CSMD1: variants seen among roughly 807,000 people sequenced by gnomAD.
CSMD1 encodes the protein CUB and Sushi multiple domains 1, also known as CUB and sushi domain-containing protein 1.
CSMD1 carries 213 observed loss-of-function variants against 417.5 expected under a neutral mutation model. The observed-to-expected ratio is 0.51, with a 90% CI of 0.46 to 0.57. The LOEUF (loss-of-function observed/expected upper bound fraction) is 0.57, where lower values mean the gene tolerates loss of function less well. CSMD1 is among the 20% of genes least tolerant of loss of function. CSMD1 has a pLI of 0.00. For synonymous variants in CSMD1, 2,862 were observed against 1,736.8 expected (o/e 1.65, Z -16.11); for missense variants, 6,923 against 4,529.7 (o/e 1.53, Z -15.17).
chr8:3,163,611 G>C (rs1268442408), intron 37 of CSMD1, among the ~76,000 whole-genome samples: 1 of 144,148 alleles, frequency 6.9e-6, no homozygotes, highest in East Asian at 2.0e-4. Flanking sequence ...TTCACTTTCC[G>C]AAAAAGAAAA....
At chr8:3,052,712 A>T in intron 49 of CSMD1, 65 bp from the exon 50 acceptor site, 1 of 1,121,114 alleles carries the variant, frequency 8.9e-7, no homozygotes, top group Non-Finnish European at 1.2e-6. Context: ...TATTAAAACC[A>T]TTGATTGATT....
chr8:3,751,829 T>G (rs973863226), intron 6 of CSMD1, among the ~76,000 whole-genome samples: 2 of 152,184 alleles, frequency 1.3e-5, no homozygotes, highest in East Asian at 3.9e-4. Flanking sequence ...CTTAGAAATT[T>G]TTCTTTAATT....
At position 3,794,993 on chromosome 8, in the gene CSMD1, C is replaced by T. The variant is rs1171058401; in HGVS notation, c.819-40951G>A. On this transcript the variant is annotated intron_variant, in intron 5 of 69. Transcript: ENST00000635120. ...TAGCTATAGATATATATCTATCTAT[C>T]ATGTATAGCTATAAATACATATCTA... Among the ~76,000 whole-genome samples the T allele has an allele frequency of 2.0e-5, 3 of 150,458 alleles. 1 individual carries two copies. Among genetic ancestry groups the T allele is most frequent in the Non-Finnish European group, 1.5e-5 (1 of 67,572 alleles).
chr8:4,240,530 G>C (rs1279745036), intron 3 of CSMD1, among the ~76,000 whole-genome samples: 1 of 152,182 alleles, frequency 6.6e-6, no homozygotes, highest in African/African-American at 2.4e-5. Context: ...TAACCTGATT[G>C]TGTAGTGTCC....
intron 8 of CSMD1, among the ~76,000 whole-genome samples, chr8:3,596,704 G>A (rs1042841376): frequency 7.9e-5 from 12 of 151,958 alleles, no homozygotes; most frequent in African/African-American, 2.4e-4. Context: ...CAGGCTTAAG[G>A]AGCACCACAC....
At chr8:4,371,363 G>A (rs537028643) in intron 3 of CSMD1, among the ~76,000 whole-genome samples, 16 of 152,066 alleles carry the variant, frequency 1.1e-4, no homozygotes, top group African/African-American at 2.7e-4. Context: ...GGTTTTGAGA[G>A]AAACTTCCTG....
rs1163243942 is a variant in CSMD1, at chr8:4,940,796, T to A, written c.85+53536A>T. On this transcript the variant is annotated intron_variant, in intron 1 of 69. Transcript: ENST00000635120. Reference sequence around the variant, plus strand: ...AATGAGGGGGCAAAAAAATTTTAAATCATAATCTCTGTACCATGTGTCAGC... The same window carrying A: ...AATGAGGGGGCAAAAAAATTTTAAAACATAATCTCTGTACCATGTGTCAGC... 3.9e-5 allele frequency among the ~76,000 whole-genome samples: 6 copies of A among 152,174 alleles called. No individual in the cohort carries two copies. The East Asian group carries it at 7.7e-4, about 20-fold the overall frequency.
At chr8:3,644,856 A>T (rs1013361126) in intron 7 of CSMD1, among the ~76,000 whole-genome samples, 2 of 151,020 alleles carry the variant, frequency 1.3e-5, no homozygotes, top group Non-Finnish European at 2.9e-5. Context: ...TCGTTTCCTA[A>T]GAGATTGCTG....
intron 23 of CSMD1, among the ~76,000 whole-genome samples, chr8:3,335,973 T>C (rs1368249879): frequency 2.0e-5 from 3 of 152,314 alleles, no homozygotes; most frequent in Middle Eastern, 6.8e-3. Context: ...TATTTTGGGC[T>C]AATTTACATG....
chr8:4,308,745 C>G (rs1285410524), intron 3 of CSMD1, among the ~76,000 whole-genome samples: 1 of 152,170 alleles, frequency 6.6e-6, no homozygotes, highest in Non-Finnish European at 1.5e-5. Context: ...ATGTGTAAGA[C>G]TGGCTGTTTG....
chr8:2,942,777 G>A (rs764419894), intron 68 of CSMD1, among the ~76,000 whole-genome samples, 173 bp from the exon 69 acceptor site: 8 of 151,986 alleles, frequency 5.3e-5, no homozygotes, highest in Non-Finnish European at 1.0e-4. Flanking sequence ...CTTAATGACC[G>A]GGACAAAAAA....
chr8:4,680,875 C>T (rs752702523), intron 1 of CSMD1, among the ~76,000 whole-genome samples: 11 of 151,740 alleles, frequency 7.2e-5, no homozygotes, highest in Non-Finnish European at 1.2e-4. Flanking sequence ...CCACTGTACC[C>T]AACCCTAAGA....
At chr8:4,067,271 G>C (rs1799301482) in intron 3 of CSMD1, among the ~76,000 whole-genome samples, 1 of 152,154 alleles carries the variant, frequency 6.6e-6, no homozygotes, top group African/African-American at 2.4e-5. Flanking sequence ...AAGAATCATA[G>C]CCGAGATAGA....
chr8:3,819,952 T>C (rs75057012), intron 5 of CSMD1, among the ~76,000 whole-genome samples: 5 of 152,146 alleles, frequency 3.3e-5, no homozygotes, highest in East Asian at 1.9e-4. Flanking sequence ...CCTTGAATAA[T>C]TCATCGTTTC....
At chr8:4,205,378 A>C (rs1377543288) in intron 3 of CSMD1, among the ~76,000 whole-genome samples, 7 of 152,240 alleles carry the variant, frequency 4.6e-5, no homozygotes, top group African/African-American at 1.4e-4. Flanking sequence ...AAGTGTGAAC[A>C]ATTTTTTAGC....
intron 1 of CSMD1, among the ~76,000 whole-genome samples, chr8:4,650,401 G>C (rs1172915286): frequency 6.7e-6 from 1 of 150,032 alleles, no homozygotes. Context: ...TCCCTTAACG[G>C]ATTTGCCACT....
chr8:4,067,959 C>A (rs936411409), intron 3 of CSMD1, among the ~76,000 whole-genome samples: 2 of 152,080 alleles, frequency 1.3e-5, no homozygotes, highest in African/African-American at 4.8e-5. Context: ...CTCCTGTAAT[C>A]CCAGCTACTT....
At chr8:3,501,972 G>A (rs1359209499) in intron 10 of CSMD1, among the ~76,000 whole-genome samples, 1 of 152,106 alleles carries the variant, frequency 6.6e-6, no homozygotes, top group Non-Finnish European at 1.5e-5. Context: ...CATTGCTGAT[G>A]GGAATGCAAA....
At chr8:3,321,529 A>G (rs538685479) in intron 23 of CSMD1, among the ~76,000 whole-genome samples, 1 of 152,242 alleles carries the variant, frequency 6.6e-6, no homozygotes, top group African/African-American at 2.4e-5. Flanking sequence ...CCCCATGCAA[A>G]TACCCCATTA....
Sources: allele counts gnomAD v4.1 joint callset (sites outside exome capture counted in the v4.1 genomes callset), GRCh38; gene constraint gnomAD v4.1.1; transcripts MANE v1.5; gene names NCBI Gene and HGNC (gene_info 2026-07-23, HGNC 2026-07-21).